The following TBC1D5 variants were observed in gnomAD, a reference collection of about 807,000 sequenced individuals.
TBC1D5 encodes TBC1 domain family member 5.
A neutral mutation model predicts 100.3 loss-of-function variants in TBC1D5; 75 were observed. The ratio of observed to expected loss-of-function variants is 0.75; its 90% CI spans 0.62 to 0.91. The LOEUF is 0.91. Ranked by LOEUF, TBC1D5 falls within the 40% of genes least tolerant of loss-of-function variation. The pLI, the probability that TBC1D5 is intolerant of heterozygous loss-of-function variation, is 0.00. For synonymous variants in TBC1D5, 323 were observed against 325.6 expected (o/e 0.99, Z 0.09); for missense variants, 910 against 942.4 (o/e 0.97, Z 0.45).
At chr3:17,698,845 ATCAT>A (rs2072623410) in intron 1 of TBC1D5, among the ~76,000 whole-genome samples, 1 of 144,728 alleles carries the variant, frequency 6.9e-6, no homozygotes. Context: ...CACATGAGAT[ATCAT>A]CTCACACCAG....
chr3:17,268,753 G>A (rs1411162340), intron 15 of TBC1D5, among the ~76,000 whole-genome samples: 1 of 152,074 alleles, frequency 6.6e-6, no homozygotes, highest in Non-Finnish European at 1.5e-5. Context: ...AAATAAAGAT[G>A]TAAATTTTTC....
At chr3:17,689,667 C>G (rs1299719377) in intron 1 of TBC1D5, among the ~76,000 whole-genome samples, 3 of 152,076 alleles carry the variant, frequency 2.0e-5, no homozygotes, top group African/African-American at 4.8e-5. Flanking sequence ...CAGGGATAAT[C>G]AGAAATGCCT....
At chr3:17,594,589 G>A (rs1009672165) in intron 2 of TBC1D5, among the ~76,000 whole-genome samples, 12 of 152,164 alleles carry the variant, frequency 7.9e-5, no homozygotes, top group Non-Finnish European at 1.0e-4. Context: ...GTTTGTGCAT[G>A]TATACACTTG....
chr3:17,503,514 T>C (rs2095809006), intron 3 of TBC1D5, among the ~76,000 whole-genome samples: 1 of 149,622 alleles, frequency 6.7e-6, no homozygotes, highest in Non-Finnish European at 1.5e-5. Flanking sequence ...CAATGCCTAG[T>C]ACACGCAAGG....
At chr3:17,364,915 T>C (rs1428214687) in intron 13 of TBC1D5, among the ~76,000 whole-genome samples, 2 of 152,216 alleles carry the variant, frequency 1.3e-5, no homozygotes, top group Non-Finnish European at 2.9e-5. Context: ...TTTTTTCATT[T>C]AATCGTCACA....
In TBC1D5 at chr3:17,522,862, A is replaced by T. The variant is rs550737243; in HGVS notation, c.-35-14257T>A. Reference sequence around the variant, plus strand: ...ATTTACATGAAATCATTGCATAAATAATTTTTAGAATTTTGAAATCTATGT... The same window carrying T: ...ATTTACATGAAATCATTGCATAAATTATTTTTAGAATTTTGAAATCTATGT... On this transcript the variant is annotated intron_variant, in intron 2 of 21. Coordinates refer to ENST00000253692, the Ensembl canonical transcript of TBC1D5. Among the ~76,000 whole-genome samples the T allele has an allele frequency of 2.0e-5, 3 of 152,300 alleles. No homozygotes were observed. The South Asian group carries it at 6.2e-4, about 32-fold the overall frequency.
At chr3:17,352,772 G>A (rs2090779992) in intron 13 of TBC1D5, among the ~76,000 whole-genome samples, 1 of 150,074 alleles carries the variant, frequency 6.7e-6, no homozygotes, top group Non-Finnish European at 1.5e-5. Flanking sequence ...AGTAATTATG[G>A]ATCTTGCAAG....
At chr3:17,589,668 T>C (rs922712260) in intron 2 of TBC1D5, among the ~76,000 whole-genome samples, 2 of 152,226 alleles carry the variant, frequency 1.3e-5, no homozygotes, top group African/African-American at 2.4e-5. Context: ...TTATCAGCAG[T>C]GTGAAAACAG....
At chr3:17,348,191 G>A (rs2090142124) in intron 13 of TBC1D5, among the ~76,000 whole-genome samples, 1 of 152,134 alleles carries the variant, frequency 6.6e-6, no homozygotes. Flanking sequence ...AATTGCAATA[G>A]CATTGTGTAT....
At chr3:17,561,970 T>C (rs2096562099) in intron 2 of TBC1D5, 1 of 151,928 alleles carries the variant, frequency 6.6e-6, no homozygotes, top group Non-Finnish European at 1.5e-5. Flanking sequence ...TGGCAAACCT[T>C]TGATTAAAAA....
At chr3:17,205,564 T>C (rs1359644305) in intron 18 of TBC1D5, among the ~76,000 whole-genome samples, 1 of 152,186 alleles carries the variant, frequency 6.6e-6, no homozygotes, top group Admixed American at 6.5e-5. Context: ...ATTTTGGCAA[T>C]TAATACTTCA....
At chr3:17,396,585 T>C (rs1247426398) in intron 8 of TBC1D5, among the ~76,000 whole-genome samples, 1 of 147,294 alleles carries the variant, frequency 6.8e-6, no homozygotes, top group Non-Finnish European at 1.5e-5. Context: ...ATCTTTAAAT[T>C]AAAAAAAAAA....
At chr3:17,182,000 C>T (rs1452321394) in intron 19 of TBC1D5, among the ~76,000 whole-genome samples, 1 of 152,078 alleles carries the variant, frequency 6.6e-6, no homozygotes, top group Non-Finnish European at 1.5e-5. Flanking sequence ...AAGAGAAACA[C>T]ATCTATGGAA....
intron 2 of TBC1D5, among the ~76,000 whole-genome samples, chr3:17,564,439 T>A (rs1380128041): frequency 1.3e-5 from 2 of 152,176 alleles, no homozygotes; most frequent in Non-Finnish European, 2.9e-5. Context: ...CTACCCCCCT[T>A]AAGCTTCATG....
intron 3 of TBC1D5, among the ~76,000 whole-genome samples, chr3:17,435,701 T>C (rs1350567768): frequency 2.0e-5 from 3 of 152,186 alleles, no homozygotes; most frequent in African/African-American, 7.2e-5. Flanking sequence ...CACTCACAGA[T>C]GCCTGCGGCA....
chr3:17,674,701 T>C (rs1034082308), intron 1 of TBC1D5, among the ~76,000 whole-genome samples: 1 of 152,126 alleles, frequency 6.6e-6, no homozygotes, highest in African/African-American at 2.4e-5. Context: ...GCACTGGGTT[T>C]GAGCTTTTCA....
At chr3:17,194,374 A>G (rs2070369404) in intron 18 of TBC1D5, among the ~76,000 whole-genome samples, 1 of 152,234 alleles carries the variant, frequency 6.6e-6, no homozygotes, top group African/African-American at 2.4e-5. Flanking sequence ...ACAAGCTTCC[A>G]GGAGAGCCTT....
intron 2 of TBC1D5, among the ~76,000 whole-genome samples, chr3:17,529,039 G>A: frequency 6.6e-6 from 1 of 152,086 alleles, no homozygotes; most frequent in Non-Finnish European, 1.5e-5. Flanking sequence ...TCCCTCTCTT[G>A]CTCCCCTTAA....
intron 17 of TBC1D5, among the ~76,000 whole-genome samples, chr3:17,230,215 G>C (rs976422503): frequency 6.6e-6 from 1 of 151,906 alleles, no homozygotes; most frequent in Non-Finnish European, 1.5e-5. Context: ...TCCTACTCTG[G>C]TTGACTTGAC....
Sources: gnomAD v4.1 joint callset for allele counts (sites outside exome capture counted in the v4.1 genomes callset) on GRCh38, gnomAD v4.1.1 for gene constraint, MANE v1.5 for transcripts, NCBI Gene and HGNC (gene_info 2026-07-23, HGNC 2026-07-21) for gene names.